The following MMEL1 variants were observed in gnomAD, a reference collection of about 807,000 sequenced individuals.
MMEL1 encodes membrane metallo-endopeptidase-like 1.
A neutral mutation model predicts 117.1 loss-of-function variants in MMEL1; 98 were observed. That is an observed-to-expected ratio of 0.84 (90% CI 0.71 to 0.99). The LOEUF (loss-of-function observed/expected upper bound fraction) is 0.99. Among genes scored for constraint, MMEL1 ranks in the 50% least tolerant of loss-of-function variants. The probability of loss-of-function intolerance (pLI) is 0.00; values close to 1 mark genes in which losing one functional copy is unlikely to be tolerated. For missense variants in MMEL1, 1,014 were observed against 1,049.1 expected, an observed-to-expected ratio of 0.97 and a Z score of 0.46; for synonymous variants, 390 against 415.1, an observed-to-expected ratio of 0.94 and a Z score of 0.74.
chr1:2,591,414 G>A lies in MMEL1; in HGVS notation c.2240+143C>T, dbSNP rs547414101. ...TAAGAGAATGTCCCTGACCGAAATCGGCCAGAAGCCCCTCTCAGGTTTATT... is the reference window on the plus strand; with the variant it reads ...TAAGAGAATGTCCCTGACCGAAATCAGCCAGAAGCCCCTCTCAGGTTTATT... On this transcript the variant is annotated intron_variant, in intron 23 of 23. Transcript: ENST00000378412. 1.9e-3 allele frequency: 1,314 copies of A among 704,702 alleles called. 5 individuals are homozygous for A. Among genetic ancestry groups the A allele is most frequent in the Non-Finnish European group, 2.4e-3 (981 of 402,552 alleles). The allele number at this position is 704,702 out of a possible 1,614,324, so 43.7% of individuals were successfully genotyped here.
chr1:2,591,021 A>T lies in MMEL1; in HGVS notation c.2309T>A (p.Met770Lys), dbSNP rs1179984163. ...CACGCGGCATCGCTCCTTGGGGTGCATGGGGGTGCCCCGGGCACAGTGGAA... is the reference window on the plus strand; with the variant it reads ...CACGCGGCATCGCTCCTTGGGGTGCTTGGGGGTGCCCCGGGCACAGTGGAA... ...DTFHCARGTP[M>K]HPKERCRVW is the part of the protein sequence containing the mutation. Residue 770 changes from methionine (M) to lysine (K), a missense_variant, in exon 24 of 24, where the codon ATG (methionine) becomes AAG (lysine). Coordinates refer to ENST00000378412, the MANE Select transcript of MMEL1 (RefSeq NM_033467.4). 1.2e-6 allele frequency: 2 copies of T among 1,604,342 alleles called. No individual in the cohort carries two copies. Among genetic ancestry groups the T allele is most frequent in the Non-Finnish European group, 8.5e-7 (1 of 1,176,558 alleles).
At chr1:2,631,690 C>T (rs1473403562) in intron 1 of MMEL1, among the ~76,000 whole-genome samples, 2 of 152,142 alleles carry the variant, frequency 1.3e-5, no homozygotes, top group East Asian at 3.9e-4. Flanking sequence ...TCAGATGCTT[C>T]CTTTGACGCC....
chr1:2,617,295 C>T (rs933783844), intron 2 of MMEL1, among the ~76,000 whole-genome samples: 6 of 151,746 alleles, frequency 4.0e-5, no homozygotes, highest in East Asian at 1.9e-4. Context: ...GGCGTGGTGG[C>T]GGGCGCCTGT....
Position 2,590,843 on chromosome 1 carries a change from C to T in MMEL1, c.*147G>A. The T allele has an allele frequency of 1.8e-6, 1 of 568,670 alleles. No individual in the cohort carries two copies. 35.2% of individuals were successfully genotyped at this position (568,670 alleles called of 1,614,324 possible). Reference sequence around the variant, plus strand: ...CCTGGGTGTCAGGCAGGTGGCTGCACCCTAGGCCAGGCGCAGAGGCCTGGC... The same window carrying T: ...CCTGGGTGTCAGGCAGGTGGCTGCATCCTAGGCCAGGCGCAGAGGCCTGGC... On this transcript the variant is annotated 3_prime_UTR_variant, in exon 24 of 24. Coordinates refer to ENST00000378412, the MANE Select transcript of MMEL1 (RefSeq NM_033467.4).
In MMEL1 at chr1:2,612,394, A is replaced by G. The variant is rs1365416508; in HGVS notation, c.155-190T>C. Among the ~76,000 whole-genome samples the G allele has an allele frequency of 6.6e-6, 1 of 152,054 alleles. No individual in the cohort carries two copies. Among genetic ancestry groups the G allele is most frequent in the Non-Finnish European group, 1.5e-5 (1 of 67,978 alleles). ...GAGTTCACTGCAGGGGCCAGCTTCA[A>G]TCTGTGTCCTGCTGGGCTTGAATGG... On this transcript the variant is annotated intron_variant, in intron 2 of 23. Transcript: ENST00000378412. This position sits in a 1 kb window ranked among gnomAD's most constrained non-coding sequence, Gnocchi z 5.4.
chr1:2,606,399 C>T (rs41300092), intron 7 of MMEL1, 33 bp from the exon 8 acceptor site: 554,780 of 1,570,608 alleles, frequency 0.35, 101,975 homozygotes, highest in African/African-American at 0.5. Flanking sequence ...TGGAGACTGG[C>T]GGGCCCTGGG....
intron 4 of MMEL1, among the ~76,000 whole-genome samples, chr1:2,610,776 C>T (rs970821136): frequency 1.3e-5 from 2 of 152,252 alleles, no homozygotes; most frequent in African/African-American, 4.8e-5. Context: ...GTCTTGGCCA[C>T]TCCACCTCTG....
intron 3 of MMEL1, 54 bp from the exon 4 acceptor site, chr1:2,611,394 A>G (rs1322771048): frequency 7.5e-7 from 1 of 1,328,764 alleles, no homozygotes; most frequent in Non-Finnish European, 9.9e-7. Flanking sequence ...GTGGGGCAGG[A>G]CTGGAGTGGG....
intron 3 of MMEL1, among the ~76,000 whole-genome samples, 154 bp downstream of exon 3, chr1:2,611,973 C>G (rs1570691511): frequency 6.6e-6 from 1 of 152,358 alleles, no homozygotes; most frequent in East Asian, 1.9e-4. Flanking sequence ...GTGCACCCAG[C>G]TGAGGTCCCT....
In MMEL1 at chr1:2,591,022, TG is replaced by T; in HGVS notation, c.2307del (p.Met770CysfsTer59). On this transcript the variant is annotated frameshift_variant, in exon 24 of 24. Transcript: ENST00000378412. LOFTEE classifies it high-confidence loss of function. Reference sequence around the variant, plus strand: ...ACGCGGCATCGCTCCTTGGGGTGCATGGGGGTGCCCCGGGCACAGTGGAACG... The same window carrying T: ...ACGCGGCATCGCTCCTTGGGGTGCATGGGGTGCCCCGGGCACAGTGGAACG... Reference protein sequence around the residue: ...ADTFHCARGTPMHPKERCRVW With the variant: ...ADTFHCARGTXMHPKERCRVW 1.9e-6 allele frequency: 3 copies of T among 1,604,660 alleles called. No homozygotes were observed. The highest frequency in any genetic ancestry group is 1.1e-5 in the South Asian group (1 of 89,352).
chr1:2,598,087 C>T lies in MMEL1; in HGVS notation c.1272+120G>A, dbSNP rs561306792. The T allele has an allele frequency of 1.7e-3, 1,618 of 967,766 alleles. 2 individuals carry two copies. Among genetic ancestry groups the T allele is most frequent in the Non-Finnish European group, 2.4e-3 (1,511 of 622,958 alleles). 59.9% of individuals were successfully genotyped at this position (967,766 alleles called of 1,614,324 possible). A position where few individuals can be genotyped will look rare whatever the true frequency, so the allele number is the denominator to read the frequency against. ...TCCCCACTGGGGTGGGCGCCTCGCC[C>T]TGCCTCGTCCATGGCTGTGACCCTG... On this transcript the variant is annotated intron_variant, in intron 13 of 23. Transcript: ENST00000378412.
At chr1:2,593,351 G>C (rs1402355215) in intron 19 of MMEL1, among the ~76,000 whole-genome samples, 1 of 152,220 alleles carries the variant, frequency 6.6e-6, no homozygotes, top group Non-Finnish European at 1.5e-5. Flanking sequence ...CCGGATGGCC[G>C]AGCCACAGGG....
chr1:2,618,178 T>C lies in MMEL1; in HGVS notation c.155-5974A>G, dbSNP rs1406641289. 7.9e-5 allele frequency among the ~76,000 whole-genome samples: 12 copies of C among 152,068 alleles called. No homozygotes were observed. The East Asian group carries it at 2.3e-3, about 29-fold the overall frequency. ...GTTGGGGGTGGGGCCTGGTGGGAGG[T>C]GTTTGGATTGTGGACCTGATTCTTC... On this transcript the variant is annotated intron_variant, in intron 2 of 23. Coordinates refer to ENST00000378412, the MANE Select transcript of MMEL1 (RefSeq NM_033467.4).
chr1:2,618,268 C>CTCTT (rs1483465836), intron 2 of MMEL1, among the ~76,000 whole-genome samples: 1 of 152,142 alleles, frequency 6.6e-6, no homozygotes, highest in Non-Finnish European at 1.5e-5. Flanking sequence ...CTCTCTCTCT[C>CTCTT]TCTTTCTCTT....
rs1286418364 is a variant in MMEL1, at chr1:2,593,854, C to T, written c.1827G>A (p.Met609Ile). 4 of 1,612,472 alleles carry T rather than the reference C, an allele frequency of 2.5e-6. No individual in the cohort carries two copies. The highest frequency in any genetic ancestry group is 3.4e-6 in the Non-Finnish European group (4 of 1,179,164). Residue 609 changes from methionine to isoleucine, a missense_variant, in exon 19 of 24, where the codon ATG (methionine) becomes ATA (isoleucine). Physicochemically the swap from Met to Ile is conservative, Grantham distance 10. Coordinates refer to ENST00000378412, the MANE Select transcript of MMEL1 (RefSeq NM_033467.4). ...CGTGCGTGATCTCGTGCCCGATCAC[C>T]ATCCCAATGCCTCCAAAGTTCAAGG... ...PQALNFGGIG[M>I]VIGHEITHGF... is the part of the protein sequence containing the mutation.
chr1:2,604,391 T>C (rs986568603), intron 9 of MMEL1, 110 bp from the exon 10 acceptor site: 39 of 1,442,680 alleles, frequency 2.7e-5, no homozygotes, highest in African/African-American at 5.7e-5. Context: ...CCCTAATGCG[T>C]GTCCACCCAC....
At chr1:2,610,915 A>G (rs1645114944) in intron 4 of MMEL1, among the ~76,000 whole-genome samples, 1 of 152,254 alleles carries the variant, frequency 6.6e-6, no homozygotes. Context: ...GTCATCTGCA[A>G]ATAGCGGTAC....
chr1:2,630,552 T>A (rs577974995), intron 1 of MMEL1, among the ~76,000 whole-genome samples: 4 of 146,756 alleles, frequency 2.7e-5, no homozygotes, highest in Non-Finnish European at 6.0e-5. Context: ...TCTACGCTCA[T>A]GTGTGCATGT....
intron 17 of MMEL1, 23 bp downstream of exon 17, chr1:2,594,767 G>GCCGCATATT: frequency 6.4e-7 from 1 of 1,570,808 alleles, no homozygotes; most frequent in Non-Finnish European, 8.8e-7. Flanking sequence ...CCCCGCCCAT[G>GCCGCATATT]CCGCACCAGC....
Sources: allele counts gnomAD v4.1 joint callset (sites outside exome capture counted in the v4.1 genomes callset), GRCh38; gene constraint gnomAD v4.1.1; non-coding constraint Gnocchi (gnomAD v3.1); transcripts MANE v1.5; gene names NCBI Gene and HGNC (gene_info 2026-07-23, HGNC 2026-07-21).